The following LARGE1 variants were observed in gnomAD, a reference collection of about 807,000 sequenced individuals.
The protein encoded by LARGE1 is xylosyl- and glucuronyltransferase LARGE1.
In LARGE1, 43 loss-of-function variants were observed where a neutral mutation model predicts 87.6. The ratio of observed to expected loss-of-function variants is 0.49; its 90% CI spans 0.38 to 0.63. LARGE1 has a LOEUF of 0.63. LARGE1 is among the 30% of genes least tolerant of loss of function. LARGE1 has a pLI of 0.00. For synonymous variants in LARGE1, 434 were observed against 394.6 expected, an observed-to-expected ratio of 1.10 and a Z score of -1.18; for missense variants, 802 against 1,000.2, an observed-to-expected ratio of 0.80 and a Z score of 2.67.
At chr22:33,112,024 A>G in the LARGE1 span, among the ~76,000 whole-genome samples, 1 of 152,246 alleles carries the variant, frequency 6.6e-6, no homozygotes, top group South Asian at 2.1e-4. Flanking sequence ...TCAAAGCCAT[A>G]TAAGGACTTA....
At chr22:33,687,891 C>T (rs2081990451) in intron 2 of LARGE1, among the ~76,000 whole-genome samples, 1 of 152,166 alleles carries the variant, frequency 6.6e-6, no homozygotes, top group Admixed American at 6.5e-5. Flanking sequence ...CACCTTCTCT[C>T]TTGATGGTAA....
intron 6 of LARGE1, among the ~76,000 whole-genome samples, chr22:33,537,126 A>C (rs2077065673): frequency 6.6e-6 from 1 of 152,164 alleles, no homozygotes; most frequent in Non-Finnish European, 1.5e-5. Flanking sequence ...CCATTTAAAG[A>C]AGTGTGTCAG....
chr22:33,125,788 C>T, the LARGE1 span, among the ~76,000 whole-genome samples: 3 of 152,136 alleles, frequency 2.0e-5, no homozygotes, highest in East Asian at 3.9e-4. Flanking sequence ...TATTTAGTCA[C>T]CCAGGCTGGA....
chr22:33,683,854 T>G (rs1387089860), intron 2 of LARGE1, among the ~76,000 whole-genome samples: 2 of 152,020 alleles, frequency 1.3e-5, no homozygotes, highest in Non-Finnish European at 2.9e-5. Flanking sequence ...GAGCCCTTGA[T>G]GAAAAGCCCA....
At chr22:33,087,383 G>A in the LARGE1 span, among the ~76,000 whole-genome samples, 3 of 152,038 alleles carry the variant, frequency 2.0e-5, no homozygotes, top group Non-Finnish European at 4.4e-5. Context: ...AAAGATACAT[G>A]TTACAATATT....
At position 33,677,290 on chromosome 22, in the gene LARGE1, A is replaced by T. The variant is rs1340141099; in HGVS notation, c.107-26622T>A. ...TCAGTCCACAGTCTTTCAGGAGTTA[A>T]AAAAAAAAAAAAAAAAAGAAAAGAA... On this transcript the variant is annotated intron_variant, in intron 2 of 14. Coordinates refer to ENST00000397394, the MANE Select transcript of LARGE1 (RefSeq NM_133642.5). 5.0e-5 allele frequency among the ~76,000 whole-genome samples: 5 copies of T among 100,590 alleles called. No individual in the cohort carries two copies. In the South Asian group the frequency reaches 1.2e-3, roughly 25 times the overall value. 66.0% of individuals were successfully genotyped at this position (100,590 alleles called of 152,430 possible).
chr22:33,750,532 T>G (rs920971685), intron 2 of LARGE1: 1 of 152,284 alleles, frequency 6.6e-6, no homozygotes, highest in South Asian at 2.1e-4. Flanking sequence ...GTTTAAATAG[T>G]ACATTTCCTT....
At chr22:33,528,273 TATTCTAAC>T (rs1456129918) in intron 6 of LARGE1, among the ~76,000 whole-genome samples, 1 of 152,154 alleles carries the variant, frequency 6.6e-6, no homozygotes, top group Non-Finnish European at 1.5e-5. Context: ...GCATGGTGGC[TATTCTAAC>T]AGGCTGGGGA....
the LARGE1 span, among the ~76,000 whole-genome samples, chr22:33,146,166 T>G: frequency 2.0e-5 from 3 of 152,156 alleles, no homozygotes; most frequent in Non-Finnish European, 2.9e-5. Context: ...CTAATGAAAA[T>G]GCTTCCCACC....
chr22:33,435,299 G>A (rs1302149929), intron 6 of LARGE1, among the ~76,000 whole-genome samples: 1 of 152,126 alleles, frequency 6.6e-6, no homozygotes, highest in Non-Finnish European at 1.5e-5. Context: ...ACCATGCCTG[G>A]CTCCTACGGG....
rs59338001 is a variant in LARGE1 at position 33,394,702 on chromosome 22, CGTGTGTGTGTGT to C, written c.893-10410_893-10399del. Among the ~76,000 whole-genome samples the C allele has an allele frequency of 7.3e-3, 1,044 of 142,400 alleles. 7 individuals carry two copies. The highest frequency in any genetic ancestry group is 0.028 in the Middle Eastern group (8 of 284). 93.4% of individuals were successfully genotyped at this position (142,400 alleles called of 152,430 possible). The stretch of plus-strand genomic sequence containing the variant: ...CCATGTGGTCTCAACCTCCTGGGAG[CGTGTGTGTGTGT>C]GTGTGTGTGTGTGTGTGTGTGTGTG... On this transcript the variant is annotated intron_variant, in intron 7 of 14. Transcript: ENST00000397394.
intron 9 of LARGE1, among the ~76,000 whole-genome samples, chr22:33,344,954 G>A (rs193274891): frequency 1.3e-5 from 2 of 152,326 alleles, no homozygotes; most frequent in Admixed American, 1.3e-4. Context: ...ATCTGAGACA[G>A]AGTGACACTG....
intron 1 of LARGE1, among the ~76,000 whole-genome samples, chr22:33,890,322 A>G (rs1324638970): frequency 1.3e-5 from 2 of 152,210 alleles, no homozygotes; most frequent in African/African-American, 4.8e-5. Context: ...TGAGGATTTA[A>G]AATGTCAAAT....
chr22:33,256,407 C>T (rs1450737281), intron 11 of LARGE1, among the ~76,000 whole-genome samples: 4 of 152,328 alleles, frequency 2.6e-5, no homozygotes, highest in Non-Finnish European at 5.9e-5. Flanking sequence ...TTAAACCTCC[C>T]GCTCTGCCAC....
At chr22:33,922,085 G>C (rs1255666024), upstream of LARGE1, among the ~76,000 whole-genome samples, 1 of 152,042 alleles carries the variant, frequency 6.6e-6, no homozygotes, top group Non-Finnish European at 1.5e-5. Context: ...CTCCCCAGCC[G>C]GGCGGGCCGC....
At chr22:33,787,002 CAG>C (rs989864970) in intron 1 of LARGE1, among the ~76,000 whole-genome samples, 1 of 138,746 alleles carries the variant, frequency 7.2e-6, no homozygotes, top group Non-Finnish European at 1.5e-5. Flanking sequence ...GCCTGGGTGA[CAG>C]AGTGAGACTC....
chr22:33,206,908 T>C (rs536748600), intron 11 of LARGE1, among the ~76,000 whole-genome samples: 45 of 152,362 alleles, frequency 3.0e-4, no homozygotes, highest in Middle Eastern at 3.4e-3. Context: ...GGTGTTAAAA[T>C]GTCCAGCCCA....
intron 2 of LARGE1, among the ~76,000 whole-genome samples, chr22:33,670,663 A>G: frequency 6.6e-6 from 1 of 152,204 alleles, no homozygotes; most frequent in East Asian, 1.9e-4. Flanking sequence ...TGGTGGCTGT[A>G]TTTAAACACA....
At chr22:33,119,848 C>T in the LARGE1 span, among the ~76,000 whole-genome samples, 1 of 151,938 alleles carries the variant, frequency 6.6e-6, no homozygotes, top group Non-Finnish European at 1.5e-5. Flanking sequence ...GTATTTTTTT[C>T]AGTTGTGGCC....
Sources: gnomAD v4.1 joint callset for allele counts (sites outside exome capture counted in the v4.1 genomes callset) on GRCh38, gnomAD v4.1.1 for gene constraint, MANE v1.5 for transcripts, NCBI Gene and HGNC (gene_info 2026-07-23, HGNC 2026-07-21) for gene names.